Variants in MTRF1 observed in about 807,000 individuals in gnomAD.
MTRF1 encodes peptide chain release factor 1, mitochondrial.
A neutral mutation model predicts 62.9 loss-of-function variants in MTRF1; 51 were observed. That is an observed-to-expected ratio of 0.81 (90% CI 0.65 to 1.02). The LOEUF (loss-of-function observed/expected upper bound fraction) is 1.02. MTRF1 is among the 50% of genes least tolerant of loss of function. The pLI, the probability that MTRF1 is intolerant of heterozygous loss-of-function variation, is 0.00. For synonymous variants in MTRF1, 158 were observed against 181.9 expected (o/e 0.87, Z 1.06); for missense variants, 446 against 530.0 (o/e 0.84, Z 1.56).
At chr13:41,274,615 G>A in the MTRF1 span, among the ~76,000 whole-genome samples, 18 of 151,680 alleles carry the variant, frequency 1.2e-4, no homozygotes, top group Non-Finnish European at 2.1e-4. Context: ...CGGCTGGAAT[G>A]TTTACTCCAC....
At chr13:41,261,742 G>A (rs1395484209) in intron 1 of MTRF1, 2 of 964,096 alleles carry the variant, frequency 2.1e-6, no homozygotes, top group African/African-American at 3.5e-5. Context: ...GTATTAGAAT[G>A]TAAGTTGCCT....
upstream of MTRF1, among the ~76,000 whole-genome samples, chr13:41,267,458 G>A (rs1377514242): frequency 2.0e-5 from 3 of 152,126 alleles, no homozygotes; most frequent in Non-Finnish European, 4.4e-5. Flanking sequence ...CACTAGGTGT[G>A]GCAAAATGGT....
chr13:41,247,388 G>C (rs1263870774), intron 5 of MTRF1, among the ~76,000 whole-genome samples: 1 of 152,164 alleles, frequency 6.6e-6, no homozygotes, highest in African/African-American at 2.4e-5. Context: ...GGAGAAAAAG[G>C]CATTTGCCAC....
the MTRF1 span, among the ~76,000 whole-genome samples, chr13:41,286,088 CAAAAAAAA>C: frequency 1.8e-5 from 2 of 110,056 alleles, no homozygotes; most frequent in Non-Finnish European, 1.7e-5. Context: ...ACAACAACAA[CAAAAAAAA>C]AAAAAAAAAA....
chr13:41,236,991 G>A (rs1245361039), intron 6 of MTRF1, among the ~76,000 whole-genome samples: 1 of 152,108 alleles, frequency 6.6e-6, no homozygotes, highest in Non-Finnish European at 1.5e-5. Flanking sequence ...GCCAAGGCAG[G>A]CAGATCACTT....
chr13:41,273,571 G>A, the MTRF1 span, among the ~76,000 whole-genome samples: 3,465 of 152,052 alleles, frequency 0.023, 153 homozygotes, highest in African/African-American at 0.08. Flanking sequence ...TATGTAAGAT[G>A]AGCTGGGTGT....
At chr13:41,307,862 T>C in the MTRF1 span, among the ~76,000 whole-genome samples, 1 of 152,152 alleles carries the variant, frequency 6.6e-6, no homozygotes, top group Non-Finnish European at 1.5e-5. Context: ...GGTATGTGTG[T>C]ATGGTGTGTG....
the MTRF1 span, among the ~76,000 whole-genome samples, chr13:41,303,175 A>T: frequency 6.6e-6 from 1 of 152,142 alleles, no homozygotes; most frequent in Non-Finnish European, 1.5e-5. Flanking sequence ...ACAAAAACAG[A>T]TAAGTAGTTT....
At chr13:41,291,903 C>A in the MTRF1 span, among the ~76,000 whole-genome samples, 2 of 152,044 alleles carry the variant, frequency 1.3e-5, no homozygotes, top group Non-Finnish European at 2.9e-5. Flanking sequence ...TAAAATGGAA[C>A]ACTTAATTGA....
At chr13:41,217,273 T>G (rs753524681) in intron 9 of MTRF1, 45 bp from the exon 10 acceptor site, 3 of 1,105,924 alleles carry the variant, frequency 2.7e-6, no homozygotes, top group Non-Finnish European at 4.0e-6. Flanking sequence ...ATTAGAAATA[T>G]AAGCAAAGAC....
chr13:41,300,040 A>C, the MTRF1 span, among the ~76,000 whole-genome samples: 2 of 152,244 alleles, frequency 1.3e-5, no homozygotes, highest in Non-Finnish European at 2.9e-5. Flanking sequence ...TGTTGACTCC[A>C]GCAAGGTTGG....
At chr13:41,289,756 C>T in the MTRF1 span, among the ~76,000 whole-genome samples, 4 of 152,188 alleles carry the variant, frequency 2.6e-5, no homozygotes, top group South Asian at 2.1e-4. Context: ...CACTGAAAAC[C>T]GCAAAGCCTG....
chr13:41,251,051 CT>C (rs1474980554), intron 5 of MTRF1, among the ~76,000 whole-genome samples: 2 of 152,172 alleles, frequency 1.3e-5, no homozygotes, highest in Admixed American at 1.3e-4. Context: ...GGATTAGTTA[CT>C]TACTCTCTGA....
At position 41,254,533 on chromosome 13, in the gene MTRF1, T is replaced by C. The variant is rs1420267805; in HGVS notation, c.503A>G (p.Asn168Ser). Reference sequence around the variant, plus strand: ...AGTCGACCTCTGAAAACCTACCTCATTGTACAACATGTTGATTTTTTGATC... The same window carrying C: ...AGTCGACCTCTGAAAACCTACCTCACTGTACAACATGTTGATTTTTTGATC... ...TIDQKINMLY[N>S]ELFQSLVPKE... Residue 168 changes from asparagine to serine, a missense_variant, in exon 3 of 10, where the codon AAT becomes AGT. Transcript: ENST00000379480. 1 of 1,612,544 alleles carries C rather than the reference T, an allele frequency of 6.2e-7. No homozygotes were observed. Among genetic ancestry groups the C allele is most frequent in the Non-Finnish European group, 8.5e-7 (1 of 1,178,918 alleles).
chr13:41,303,627 A>C, the MTRF1 span, among the ~76,000 whole-genome samples: 1 of 152,196 alleles, frequency 6.6e-6, no homozygotes, highest in African/African-American at 2.4e-5. Context: ...TTTGAACCAG[A>C]GCTACTCCAT....
chr13:41,260,634 A>T lies in MTRF1; in HGVS notation c.274T>A (p.Cys92Ser), dbSNP rs781228010. The part of the protein sequence containing the change: ...LSKEYQTLEQ[C>S]LQHIPVNEEN... ...TCATTCACAGGGATATGCTGCAGAC[A>T]TTGCTCAAGTGTTTGGTACTCCTTA... is the stretch of plus-strand genomic sequence containing the variant. Residue 92 changes from cysteine (C) to serine (S), a missense_variant, in exon 2 of 10, where the codon TGT becomes AGT. Transcript: ENST00000379480. 10 of 1,614,010 alleles carry T rather than the reference A, an allele frequency of 6.2e-6. No individual in the cohort carries two copies. The highest frequency in any genetic ancestry group is 8.5e-6 in the Non-Finnish European group (10 of 1,180,010).
chr13:41,310,380 C>T, the MTRF1 span, among the ~76,000 whole-genome samples: 48 of 152,030 alleles, frequency 3.2e-4, no homozygotes, highest in African/African-American at 1.1e-3. Flanking sequence ...CTTATAAAAC[C>T]GTAATTCCGG....
intron 7 of MTRF1, among the ~76,000 whole-genome samples, chr13:41,231,233 C>T (rs1028341807): frequency 7.2e-5 from 11 of 152,164 alleles, no homozygotes; most frequent in African/African-American, 2.7e-4. Context: ...CAGAAACTGG[C>T]CACTTTGCCC....
the MTRF1 span, among the ~76,000 whole-genome samples, chr13:41,307,054 A>G: frequency 6.6e-6 from 1 of 152,352 alleles, no homozygotes; most frequent in African/African-American, 2.4e-5. Flanking sequence ...TTGTGCATAC[A>G]TTACATCTTT....
Sources: gnomAD v4.1 joint callset for allele counts (sites outside exome capture counted in the v4.1 genomes callset) on GRCh38, gnomAD v4.1.1 for gene constraint, MANE v1.5 for transcripts, NCBI Gene and HGNC (gene_info 2026-07-23, HGNC 2026-07-21) for gene names.